Variants in RAD51B observed in about 807,000 individuals in gnomAD.
The protein encoded by RAD51B is DNA repair protein RAD51 homolog 2.
Under a neutral mutation model 42.2 loss-of-function variants are expected in RAD51B, and 38 were observed. The ratio of observed to expected loss-of-function variants is 0.90; its 90% CI spans 0.70 to 1.18. The LOEUF (loss-of-function observed/expected upper bound fraction) is 1.18. RAD51B is among the 50% of genes most tolerant of loss of function. The pLI is 0.00. For missense variants in RAD51B, 373 were observed against 400.7 expected (o/e 0.93, Z 0.59); for synonymous variants, 154 against 145.2 (o/e 1.06, Z -0.43).
intron 10 of RAD51B, among the ~76,000 whole-genome samples, chr14:68,484,078 A>T (rs925613122): frequency 6.6e-6 from 1 of 152,214 alleles, no homozygotes; most frequent in African/African-American, 2.4e-5. Context: ...TATTTTGTAG[A>T]TGCCAAGACT....
At chr14:68,339,011 G>A (rs944471776) in intron 8 of RAD51B, 2 of 653,696 alleles carry the variant, frequency 3.1e-6, no homozygotes, top group Admixed American at 2.1e-5. Context: ...TACAACATGG[G>A]GCAGGCAGGC....
At chr14:68,184,736 A>G (rs947210456) in intron 7 of RAD51B, among the ~76,000 whole-genome samples, 1 of 152,196 alleles carries the variant, frequency 6.6e-6, no homozygotes, top group Non-Finnish European at 1.5e-5. Context: ...GCTTCTCTCC[A>G]AAGACCATTG....
At chr14:68,402,039 A>T (rs1418691314) in intron 8 of RAD51B, among the ~76,000 whole-genome samples, 2 of 152,134 alleles carry the variant, frequency 1.3e-5, no homozygotes, top group Non-Finnish European at 2.9e-5. Context: ...AGACCCAAGG[A>T]AGTAGAATGC....
intron 7 of RAD51B, among the ~76,000 whole-genome samples, chr14:68,202,939 C>T (rs868339666): frequency 6.6e-6 from 1 of 152,142 alleles, no homozygotes; most frequent in Non-Finnish European, 1.5e-5. Flanking sequence ...GTCACAGCTT[C>T]AGGCTCTACT....
intron 7 of RAD51B, among the ~76,000 whole-genome samples, chr14:68,186,941 C>T (rs774868287): frequency 1.1e-4 from 17 of 152,120 alleles, no homozygotes; most frequent in African/African-American, 3.6e-4. Flanking sequence ...GCACTATTCA[C>T]GATAGCAAAG....
At chr14:68,399,684 A>G (rs1362936339) in intron 8 of RAD51B, among the ~76,000 whole-genome samples, 4 of 152,198 alleles carry the variant, frequency 2.6e-5, no homozygotes, top group African/African-American at 9.6e-5. Context: ...CAAGTTACAG[A>G]TATCATATCC....
At chr14:68,412,276 C>T (rs1374896062) in intron 9 of RAD51B, among the ~76,000 whole-genome samples, 1 of 152,128 alleles carries the variant, frequency 6.6e-6, no homozygotes, top group African/African-American at 2.4e-5. Flanking sequence ...GCTGTGTGAC[C>T]AGATTCAATC....
intron 11 of RAD51B, among the ~76,000 whole-genome samples, chr14:68,655,193 C>T (rs1178187029): frequency 3.3e-5 from 5 of 151,918 alleles, no homozygotes; most frequent in Non-Finnish European, 7.4e-5. Context: ...CTCAGGAGCC[C>T]GGTGCTGATG....
At chr14:67,861,663 A>G (rs561456759) in intron 4 of RAD51B, among the ~76,000 whole-genome samples, 11 of 152,026 alleles carry the variant, frequency 7.2e-5, no homozygotes, top group South Asian at 2.1e-4. Flanking sequence ...TTTTTGTATG[A>G]CAAGTGACTA....
chr14:68,072,705 C>T (rs2076773055), intron 7 of RAD51B, among the ~76,000 whole-genome samples: 1 of 152,178 alleles, frequency 6.6e-6, no homozygotes, highest in South Asian at 2.1e-4. Flanking sequence ...TGCTTTAGCT[C>T]TGTCCCAGAG....
intron 9 of RAD51B, among the ~76,000 whole-genome samples, chr14:68,443,286 C>T (rs571265840): frequency 6.6e-6 from 1 of 152,112 alleles, no homozygotes; most frequent in African/African-American, 2.4e-5. Context: ...TGTGGCTTCC[C>T]ATCGAGTCAG....
At chr14:67,958,686 CTG>C (rs1739537112) in intron 7 of RAD51B, among the ~76,000 whole-genome samples, 1 of 152,178 alleles carries the variant, frequency 6.6e-6, no homozygotes, top group African/African-American at 2.4e-5. Context: ...TGAGGTGAAA[CTG>C]TAGCCAAGTG....
intron 8 of RAD51B, among the ~76,000 whole-genome samples, chr14:68,340,376 C>T (rs1166655677): frequency 2.6e-5 from 4 of 152,190 alleles, no homozygotes; most frequent in Non-Finnish European, 5.9e-5. Flanking sequence ...TGTGCTGTGA[C>T]TTGTCTGGAT....
At chr14:68,307,235 T>C (rs2081885964) in intron 8 of RAD51B, among the ~76,000 whole-genome samples, 1 of 152,152 alleles carries the variant, frequency 6.6e-6, no homozygotes, top group Non-Finnish European at 1.5e-5. Flanking sequence ...CAATGTCTCT[T>C]GCAACAGGCG....
intron 7 of RAD51B, among the ~76,000 whole-genome samples, chr14:68,226,553 A>G (rs992221788): frequency 4.6e-5 from 7 of 152,178 alleles, no homozygotes; most frequent in African/African-American, 1.7e-4. Context: ...TGGTTTTATA[A>G]AGGGGAGTTC....
At position 68,423,351 on chromosome 14, in the gene RAD51B, T is replaced by C. The variant is rs7152461; in HGVS notation, c.957+11824T>C. ...CCAGCGGCCCTGGCTCTCTGGTTGC[T>C]ATGCTGAGTTGATTCATCCATTTAT... On this transcript the variant is annotated intron_variant, in intron 9 of 10. Coordinates refer to ENST00000471583, the MANE Select transcript of RAD51B (RefSeq NM_133510.4). 8.8e-3 allele frequency among the ~76,000 whole-genome samples: 1,341 copies of C among 152,352 alleles called. 21 individuals carry two copies. The highest frequency in any genetic ancestry group is 0.026 in the African/African-American group (1,080 of 41,574).
intron 7 of RAD51B, among the ~76,000 whole-genome samples, chr14:68,042,985 G>C (rs1474132273): frequency 6.6e-6 from 1 of 152,096 alleles, no homozygotes; most frequent in Non-Finnish European, 1.5e-5. Flanking sequence ...ATAACCACAA[G>C]AATCAGAATG....
chr14:68,344,089 T>C (rs1293384428), intron 8 of RAD51B, among the ~76,000 whole-genome samples: 1 of 152,094 alleles, frequency 6.6e-6, no homozygotes, highest in African/African-American at 2.4e-5. Context: ...AAATGTGGAG[T>C]TGAAGCCCCC....
At chr14:68,128,672 A>T (rs2077822905) in intron 7 of RAD51B, among the ~76,000 whole-genome samples, 1 of 152,164 alleles carries the variant, frequency 6.6e-6, no homozygotes, top group South Asian at 2.1e-4. Context: ...AGCCTAGGTG[A>T]CAGAGTGAGA....
Sources: gnomAD v4.1 joint callset for allele counts (sites outside exome capture counted in the v4.1 genomes callset) on GRCh38, gnomAD v4.1.1 for gene constraint, MANE v1.5 for transcripts, NCBI Gene and HGNC (gene_info 2026-07-23, HGNC 2026-07-21) for gene names.